Variants in DIDO1 observed in about 807,000 individuals in gnomAD.
The protein encoded by DIDO1 is death-inducer obliterator 1.
A neutral mutation model predicts 99.4 loss-of-function variants in DIDO1; 16 were observed. The ratio of observed to expected loss-of-function variants is 0.16; its 90% CI spans 0.11 to 0.24. The LOEUF (loss-of-function observed/expected upper bound fraction) is 0.24. Ranked by LOEUF, DIDO1 falls within the 10% of genes least tolerant of loss-of-function variation. The pLI, the probability that DIDO1 is intolerant of heterozygous loss-of-function variation, is 1.00. For missense variants in DIDO1, 2,996 were observed against 3,014.0 expected (o/e 0.99, Z 0.14); for synonymous variants, 1,366 against 1,239.1 (o/e 1.10, Z -2.15).
chr20:62,887,399 G>A (rs2064312887), intron 15 of DIDO1: 1 of 985,354 alleles, frequency 1.0e-6, no homozygotes, highest in African/African-American at 1.7e-5. Context: ...GCAATTAAAA[G>A]TGAATACAGA....
Position 62,910,768 on chromosome 20 carries a change from A to AC in DIDO1, c.839+5dup. 6.2e-7 allele frequency: 1 copy of AC among 1,607,832 alleles called. No individual in the cohort carries two copies. The highest frequency in any genetic ancestry group is 1.7e-5 in the Admixed American group (1 of 59,882). Reference sequence around the variant, plus strand: ...GGATTTCTGTGGGTGCCCACACATGACCCACCTGTTGTTGTGAGGCTGGCG... The same window carrying AC: ...GGATTTCTGTGGGTGCCCACACATGACCCCACCTGTTGTTGTGAGGCTGGCG... On this transcript the variant is annotated splice_donor_region_variant and intron_variant, in intron 3 of 15. Coordinates refer to ENST00000395343, the MANE Select transcript of DIDO1 (RefSeq NM_001193369.2).
Position 62,894,610 on chromosome 20 carries a change from C to A in DIDO1, c.2437-62G>T. On this transcript the variant is annotated intron_variant, in intron 10 of 15. Coordinates refer to ENST00000395343, the MANE Select transcript of DIDO1 (RefSeq NM_001193369.2). The surrounding 1 kb of genome is among the most constrained non-coding windows in gnomAD (Gnocchi z 4.4). ...TTCTCCAAACTCAGCTCCAAATTAA[C>A]CACACACAAGAAAAGCAGTCTCATG... The A allele has an allele frequency of 1.9e-6, 3 of 1,576,226 alleles. No homozygotes were observed. The highest frequency in any genetic ancestry group is 2.6e-6 in the Non-Finnish European group (3 of 1,165,902).
intron 15 of DIDO1, chr20:62,890,204 A>ACCAAT: frequency 1.0e-6 from 1 of 985,910 alleles, no homozygotes; most frequent in Non-Finnish European, 1.2e-6. Context: ...TTGAGAGAAC[A>ACCAAT]CCAATCCTCT....
At chr20:62,900,848 G>A (rs2064655645) in intron 6 of DIDO1, among the ~76,000 whole-genome samples, 1 of 152,176 alleles carries the variant, frequency 6.6e-6, no homozygotes, top group African/African-American at 2.4e-5. Flanking sequence ...CTGTTTCTAT[G>A]CTATGCACCT....
chr20:62,889,256 T>C, intron 15 of DIDO1: 4 of 985,448 alleles, frequency 4.1e-6, no homozygotes, highest in Non-Finnish European at 4.8e-6. Flanking sequence ...AGCCAGCCCT[T>C]GCTGTGGGGA....
intron 6 of DIDO1, among the ~76,000 whole-genome samples, chr20:62,897,699 C>T (rs1292674312): frequency 1.3e-5 from 2 of 152,240 alleles, no homozygotes; most frequent in Non-Finnish European, 2.9e-5. Context: ...AGCTCAAAGA[C>T]ATCAAACCCC....
rs747962845 is a variant in DIDO1 at position 62,881,239 on chromosome 20, C to A, written c.4717G>T (p.Gly1573Trp). Reference sequence around the variant, plus strand: ...AGCCTGGAGAGAGGCTCCCCCTCCCCCTCACCGGTCTCAGTGGCCAGGCGC... The same window carrying A: ...AGCCTGGAGAGAGGCTCCCCCTCCCACTCACCGGTCTCAGTGGCCAGGCGC... ...ARRLATETGE[G>W]EGEPLSRLSA... is the part of the protein sequence containing the mutation. The change falls in exon 16 of 16, where the codon GGG (glycine) becomes TGG (tryptophan). Residue 1573 changes from glycine (G) to tryptophan (W), a missense_variant. Coordinates refer to ENST00000395343, the MANE Select transcript of DIDO1 (RefSeq NM_001193369.2). This position sits in a 1 kb window ranked among gnomAD's most constrained non-coding sequence, Gnocchi z 8.3. 6 of 1,603,042 alleles carry A rather than the reference C, an allele frequency of 3.7e-6. No homozygotes were observed. The Admixed American group carries it at 1.0e-4, about 27-fold the overall frequency.
At chr20:62,927,462 A>G (rs1032336025), upstream of DIDO1, among the ~76,000 whole-genome samples, 14 of 151,966 alleles carry the variant, frequency 9.2e-5, no homozygotes, top group African/African-American at 2.9e-4. Flanking sequence ...AGGGGGCAGG[A>G]GGGGCAGCTG....
At chr20:62,936,126 G>A (rs763580881) in intron 1 of DIDO1, among the ~76,000 whole-genome samples, 6 of 152,192 alleles carry the variant, frequency 3.9e-5, no homozygotes, top group Non-Finnish European at 8.8e-5. Flanking sequence ...TCTCCTTGAC[G>A]TTCAGGCTGG....
chr20:62,886,364 A>G (rs1568832271), intron 15 of DIDO1, among the ~76,000 whole-genome samples: 1 of 152,226 alleles, frequency 6.6e-6, no homozygotes, highest in Non-Finnish European at 1.5e-5. Flanking sequence ...AGGCCTTTTT[A>G]GCACATCTGT....
chr20:62,927,291 G>A (rs908119947), upstream of DIDO1, among the ~76,000 whole-genome samples: 31 of 152,240 alleles, frequency 2.0e-4, no homozygotes, highest in African/African-American at 7.5e-4. Flanking sequence ...TTTGCCCACA[G>A]GGGTTGGAGG....
chr20:62,931,579 T>G (rs1229264234), intron 1 of DIDO1, among the ~76,000 whole-genome samples: 1 of 152,086 alleles, frequency 6.6e-6, no homozygotes, highest in Non-Finnish European at 1.5e-5. Context: ...CACCACGGAA[T>G]AGAGACCCGC....
At chr20:62,937,314 A>G (rs1362336572) in intron 1 of DIDO1, among the ~76,000 whole-genome samples, 7 of 152,256 alleles carry the variant, frequency 4.6e-5, no homozygotes, top group Non-Finnish European at 1.5e-5. Context: ...CGGACAGGCA[A>G]TAAGCAAGTA....
chr20:62,929,881 G>A (rs2065314173), upstream of DIDO1, among the ~76,000 whole-genome samples: 2 of 150,976 alleles, frequency 1.3e-5, no homozygotes, highest in Non-Finnish European at 2.9e-5. Context: ...CAATCAAATC[G>A]TCCACTACTT....
chr20:62,895,586 G>A (rs1228170861), intron 8 of DIDO1, among the ~76,000 whole-genome samples: 1 of 152,256 alleles, frequency 6.6e-6, no homozygotes, highest in Non-Finnish European at 1.5e-5. Flanking sequence ...GTTCAATGGT[G>A]AGATGCAAAG....
rs368716436 is a variant in DIDO1, at chr20:62,879,248, G to A, written c.6708C>T (p.Thr2236=). The A allele has an allele frequency of 4.0e-5, 61 of 1,535,404 alleles. No individual in the cohort carries two copies. The African/African-American group carries it at 7.5e-4, about 19-fold the overall frequency. ...GCCGGGGCGTCTAGGCCTGCGAGGC[G>A]GTGCCAGCGTCGGAGGCCCTCGAGG... ...PEASRASDAG[T]ASQA Residue 2236 remains threonine, a synonymous_variant, in exon 16 of 16, where the codon ACC becomes ACT. Transcript: ENST00000395343. The surrounding 1 kb of genome is among the most constrained non-coding windows in gnomAD (Gnocchi z 6.3).
chr20:62,899,355 TTAA>T (rs2064609826), intron 6 of DIDO1, among the ~76,000 whole-genome samples: 1 of 152,222 alleles, frequency 6.6e-6, no homozygotes, highest in Non-Finnish European at 1.5e-5. Context: ...AACGGTATCT[TTAA>T]TGATGTTTAA....
chr20:62,894,652 G>A lies in DIDO1; in HGVS notation c.2437-104C>T. ...AGTCTCATGGGATTGAGACCCACGG[G>A]GGAGAAAAAAGGACCATCTAATACA... On this transcript the variant is annotated intron_variant, in intron 10 of 15. Coordinates refer to ENST00000395343, the MANE Select transcript of DIDO1 (RefSeq NM_001193369.2). The surrounding 1 kb of genome is among the most constrained non-coding windows in gnomAD (Gnocchi z 4.4). 1 of 1,477,740 alleles carries A rather than the reference G, an allele frequency of 6.8e-7. No homozygotes were observed. The highest frequency in any genetic ancestry group is 1.4e-5 in the African/African-American group (1 of 70,966). 91.5% of individuals were successfully genotyped at this position (1,477,740 alleles called of 1,614,324 possible). A position where few individuals can be genotyped will look rare whatever the true frequency, so the allele number is the denominator to read the frequency against.
At chr20:62,890,492 T>C in intron 15 of DIDO1, 2 of 992,570 alleles carry the variant, frequency 2.0e-6, no homozygotes, top group Non-Finnish European at 2.4e-6. Context: ...AAAATAATTA[T>C]TTCTAGAAAT....
Sources: allele counts gnomAD v4.1 joint callset (sites outside exome capture counted in the v4.1 genomes callset), GRCh38; gene constraint gnomAD v4.1.1; non-coding constraint Gnocchi (gnomAD v3.1); transcripts MANE v1.5; gene names NCBI Gene and HGNC (gene_info 2026-07-23, HGNC 2026-07-21).